Variants in MTCL2 observed in about 807,000 individuals in gnomAD.
The protein encoded by MTCL2 is microtubule crosslinking factor 2.
At chr20:36,809,152 C>T in the MTCL2 span, among the ~76,000 whole-genome samples, 1 of 152,200 alleles carries the variant, frequency 6.6e-6, no homozygotes, top group Non-Finnish European at 1.5e-5. Flanking sequence ...GGAAGCAATG[C>T]AGTGTCATGC....
At chr20:36,841,685 G>T in the MTCL2 span, among the ~76,000 whole-genome samples, 1 of 152,116 alleles carries the variant, frequency 6.6e-6, no homozygotes, top group African/African-American at 2.4e-5. Context: ...AATAGAATTT[G>T]GGTTTGGGAT....
the MTCL2 span, chr20:36,805,034 G>A: frequency 9.5e-6 from 9 of 951,488 alleles, no homozygotes; most frequent in Admixed American, 2.6e-5. Context: ...AACCTCCCTA[G>A]GTCATCTCAC....
the MTCL2 span, among the ~76,000 whole-genome samples, chr20:36,809,211 G>A: frequency 4.6e-5 from 7 of 152,196 alleles, no homozygotes; most frequent in African/African-American, 1.7e-4. Context: ...CACTCTGGAT[G>A]TGCAACCCTG....
chr20:36,831,135 G>A, the MTCL2 span, among the ~76,000 whole-genome samples: 1 of 152,240 alleles, frequency 6.6e-6, no homozygotes, highest in Non-Finnish European at 1.5e-5. Context: ...CTGCAGGGAT[G>A]AGGAAGGAAG....
At chr20:36,795,238 C>G in the MTCL2 span, among the ~76,000 whole-genome samples, 1 of 152,078 alleles carries the variant, frequency 6.6e-6, no homozygotes, top group East Asian at 1.9e-4. Flanking sequence ...TGTGCCCAGC[C>G]TAACACCTGG....
the MTCL2 span, among the ~76,000 whole-genome samples, chr20:36,824,851 A>C: frequency 6.6e-6 from 1 of 151,898 alleles, no homozygotes; most frequent in Admixed American, 6.6e-5. Context: ...CAAGGGTCTC[A>C]ATATATTGCC....
the MTCL2 span, chr20:36,808,865 G>T: frequency 2.0e-5 from 16 of 806,442 alleles, no homozygotes; most frequent in Non-Finnish European, 2.5e-5. Context: ...TCCCTGCCGG[G>T]GATCCCACCA....
chr20:36,813,762 A>AG, the MTCL2 span, among the ~76,000 whole-genome samples: 1 of 150,138 alleles, frequency 6.7e-6, no homozygotes, highest in South Asian at 2.1e-4. Context: ...CAAAAAAAAA[A>AG]AAAAAAAAAA....
the MTCL2 span, chr20:36,805,868 G>A: frequency 6.2e-7 from 1 of 1,612,124 alleles, no homozygotes; most frequent in Non-Finnish European, 8.5e-7. Flanking sequence ...TCTGGGTCCA[G>A]CTGTCCCCCG....
At chr20:36,818,989 C>T in the MTCL2 span, among the ~76,000 whole-genome samples, 1 of 152,226 alleles carries the variant, frequency 6.6e-6, no homozygotes, top group Admixed American at 6.5e-5. Flanking sequence ...ATTAAAATTA[C>T]ACTGAGATAC....
At chr20:36,784,331 C>T in the MTCL2 span, 11 of 985,960 alleles carry the variant, frequency 1.1e-5, no homozygotes, top group South Asian at 4.7e-5. Context: ...AGGCGGCTGG[C>T]GGGACTGGCA....
chr20:36,863,073 AC>A, the MTCL2 span: 8 of 1,401,292 alleles, frequency 5.7e-6, no homozygotes, highest in South Asian at 4.1e-5. The surrounding 1 kb of genome is among the most constrained non-coding windows in gnomAD (Gnocchi z 6.2). Flanking sequence ...CCCGGTGCGG[AC>A]CCCGGCCACC....
chr20:36,782,134 C>G, the MTCL2 span: 1 of 152,186 alleles, frequency 6.6e-6, no homozygotes, highest in Non-Finnish European at 1.5e-5. Context: ...ACCCACCCCT[C>G]AACCCCAGGA....
chr20:36,862,268 C>T, the MTCL2 span, among the ~76,000 whole-genome samples: 1 of 152,176 alleles, frequency 6.6e-6, no homozygotes, highest in South Asian at 2.1e-4. Flanking sequence ...TCCCTGGCGG[C>T]GGTGTCTATC....
At chr20:36,812,906 G>T in the MTCL2 span, 1 of 1,553,330 alleles carries the variant, frequency 6.4e-7, no homozygotes, top group Non-Finnish European at 8.7e-7. Context: ...CCCGAGGGGT[G>T]CCAGAAACAC....
the MTCL2 span, among the ~76,000 whole-genome samples, chr20:36,820,900 G>A: frequency 6.6e-6 from 1 of 152,104 alleles, no homozygotes; most frequent in African/African-American, 2.4e-5. Context: ...ACTAGAGAAA[G>A]ACCTGGAAAG....
chr20:36,777,832 C>T, the MTCL2 span: 1 of 622,770 alleles, frequency 1.6e-6, no homozygotes, highest in Non-Finnish European at 2.9e-6. Flanking sequence ...CAGCTTCTGG[C>T]TCTCTTCCCA....
chr20:36,829,182 T>C, the MTCL2 span: 92 of 1,611,058 alleles, frequency 5.7e-5, no homozygotes, highest in South Asian at 9.5e-4. Flanking sequence ...TCGAGCTCCT[T>C]ATGCAGCCGC....
chr20:36,815,184 C>T, the MTCL2 span: 1 of 1,613,364 alleles, frequency 6.2e-7, no homozygotes, highest in Non-Finnish European at 8.5e-7. The surrounding 1 kb of genome is among the most constrained non-coding windows in gnomAD (Gnocchi z 5.3). Context: ...CCCCTGGGAG[C>T]CCAAGGGGGG....
Sources: gnomAD v4.1 joint callset for allele counts (sites outside exome capture counted in the v4.1 genomes callset) on GRCh38, gnomAD v4.1.1 for gene constraint, Gnocchi (gnomAD v3.1) non-coding constraint, MANE v1.5 for transcripts, NCBI Gene and HGNC (gene_info 2026-07-23, HGNC 2026-07-21) for gene names.